EED: variants seen among roughly 807,000 people sequenced by gnomAD.
EED encodes polycomb protein EED.
A neutral mutation model predicts 61.0 loss-of-function variants in EED; 9 were observed. The observed-to-expected ratio is 0.15, with a 90% CI of 0.09 to 0.26. The LOEUF (loss-of-function observed/expected upper bound fraction) is 0.26, where lower values mean the gene tolerates loss of function less well. EED is among the 10% of genes least tolerant of loss of function. The probability of loss-of-function intolerance (pLI) is 1.00; values close to 1 mark genes in which losing one functional copy is unlikely to be tolerated. For missense variants in EED, 315 were observed against 542.3 expected (o/e 0.58, Z 4.16); for synonymous variants, 187 against 174.4 (o/e 1.07, Z -0.57).
chr11:86,285,938 C>T, the EED span, among the ~76,000 whole-genome samples: 1 of 151,968 alleles, frequency 6.6e-6, no homozygotes, highest in East Asian at 1.9e-4. Context: ...GCCTTTACCT[C>T]TTATGTGAAA....
chr11:86,272,514 T>C (rs1946141670), intron 9 of EED, among the ~76,000 whole-genome samples: 1 of 152,200 alleles, frequency 6.6e-6, no homozygotes, highest in Non-Finnish European at 1.5e-5. Context: ...TGTATAAGTG[T>C]TTAATTGGTT....
intron 1 of EED, among the ~76,000 whole-genome samples, chr11:86,248,278 G>A (rs1488121010): frequency 3.9e-5 from 6 of 152,180 alleles, no homozygotes; most frequent in African/African-American, 1.4e-4. Flanking sequence ...ATTTTCATTT[G>A]ATTCCATCTT....
At chr11:86,257,218 T>TATGA (rs60349201) in intron 5 of EED, among the ~76,000 whole-genome samples, 3 of 149,414 alleles carry the variant, frequency 2.0e-5, no homozygotes, top group Non-Finnish European at 4.5e-5. Context: ...TGTGTGTGTG[T>TATGA]ATGAAGATAG....
intron 1 of EED, among the ~76,000 whole-genome samples, chr11:86,247,479 G>A (rs748758626): frequency 6.6e-6 from 1 of 152,146 alleles, no homozygotes; most frequent in Non-Finnish European, 1.5e-5. Flanking sequence ...GTAGTGATGG[G>A]TATAAACACT....
At chr11:86,286,509 A>G in the EED span, among the ~76,000 whole-genome samples, 2 of 152,268 alleles carry the variant, frequency 1.3e-5, no homozygotes, top group Non-Finnish European at 2.9e-5. Context: ...TGAGAAAGGC[A>G]AAAGTCTAAA....
At chr11:86,255,143 A>G in intron 3 of EED, 79 bp from the exon 4 acceptor site, 1 of 1,157,122 alleles carries the variant, frequency 8.6e-7, no homozygotes, top group South Asian at 1.4e-5. Flanking sequence ...TAGGATTGCG[A>G]TTAAAATATG....
rs768818494 is a variant in EED, at chr11:86,268,575, A to C, written c.966+14A>C. ...ATACTTTCTAAGGTATGGTAACTGC[A>C]GTTAAGCTGTACTTCCATCGTGTGT... On this transcript the variant is annotated intron_variant, in intron 9 of 11. Transcript: ENST00000263360. 6 of 1,524,468 alleles carry C rather than the reference A, an allele frequency of 3.9e-6. No homozygotes were observed. The highest frequency in any genetic ancestry group is 1.7e-5 in the Admixed American group (1 of 58,052). The allele number at this position is 1,524,468 out of a possible 1,614,324, so 94.4% of individuals were successfully genotyped here.
At chr11:86,280,591 TAGA>T (rs1371943171), downstream of EED, among the ~76,000 whole-genome samples, 1 of 152,214 alleles carries the variant, frequency 6.6e-6, no homozygotes, top group African/African-American at 2.4e-5. Flanking sequence ...TCAAGGGTCT[TAGA>T]AGTTGTATCA....
In EED at chr11:86,264,270, T is replaced by G; in HGVS notation, c.726+7T>G. On this transcript the variant is annotated splice_region_variant and intron_variant, in intron 7 of 11. Coordinates refer to ENST00000263360, the MANE Select transcript of EED (RefSeq NM_003797.5). ...AGATGAAGTTCTAAGTGCTGTAAGT[T>G]GGAAACTGCAGGGCAATGACTTTCA... is the stretch of plus-strand genomic sequence containing the variant. 1 of 1,608,034 alleles carries G rather than the reference T, an allele frequency of 6.2e-7. No individual in the cohort carries two copies. The highest frequency in any genetic ancestry group is 8.5e-7 in the Non-Finnish European group (1 of 1,174,526).
intron 1 of EED, among the ~76,000 whole-genome samples, chr11:86,250,015 A>G (rs1945490260): frequency 6.6e-6 from 1 of 152,238 alleles, no homozygotes; most frequent in Non-Finnish European, 1.5e-5. Flanking sequence ...AGTGTATTAA[A>G]GTGACTGGAA....
In EED at chr11:86,268,532, C is replaced by A; in HGVS notation, c.937C>A (p.Arg313=). The change falls in exon 9 of 12, where the codon CGA becomes AGA. Residue 313 remains arginine (R), a synonymous_variant. Coordinates refer to ENST00000263360, the MANE Select transcript of EED (RefSeq NM_003797.5). ...ACATAGGAATTATGTTGATTGTGTG[C>A]GATGGTTAGGCGATTTGATACTTTC... The part of the protein sequence containing the change: ...DIHRNYVDCV[R]WLGDLILSKS... 6.2e-7 allele frequency: 1 copy of A among 1,609,238 alleles called. No homozygotes were observed. Among genetic ancestry groups the A allele is most frequent in the Non-Finnish European group, 8.5e-7 (1 of 1,178,366 alleles).
chr11:86,285,044 G>C, the EED span, among the ~76,000 whole-genome samples: 1 of 152,220 alleles, frequency 6.6e-6, no homozygotes, highest in Non-Finnish European at 1.5e-5. Context: ...CCGTGAGGCA[G>C]AGGTTGCGGT....
intron 3 of EED, among the ~76,000 whole-genome samples, chr11:86,254,694 C>T (rs926052742): frequency 7.2e-5 from 11 of 152,016 alleles, no homozygotes; most frequent in Non-Finnish European, 1.0e-4. Flanking sequence ...GCAATCTCGG[C>T]TCACTGCAAC....
chr11:86,268,274 C>A, intron 8 of EED, 182 bp from the exon 9 acceptor site: 5 of 452,776 alleles, frequency 1.1e-5, no homozygotes, highest in South Asian at 4.2e-5. Flanking sequence ...GAAAAATAAA[C>A]AAAAGTGGAA....
chr11:86,268,275 A>G, intron 8 of EED, 181 bp from the exon 9 acceptor site: 1 of 465,532 alleles, frequency 2.1e-6, no homozygotes, highest in East Asian at 3.5e-5. Flanking sequence ...AAAAATAAAC[A>G]AAAGTGGAAT....
intron 6 of EED, among the ~76,000 whole-genome samples, chr11:86,262,498 G>A (rs1247442921): frequency 6.6e-6 from 1 of 152,080 alleles, no homozygotes; most frequent in Non-Finnish European, 1.5e-5. Context: ...TCTCATTCTT[G>A]TCACCCAGGC....
At chr11:86,286,806 A>C in the EED span, among the ~76,000 whole-genome samples, 1 of 151,960 alleles carries the variant, frequency 6.6e-6, no homozygotes, top group Non-Finnish European at 1.5e-5. Context: ...CCCCGTCTCT[A>C]CTAAAAATAC....
In EED at chr11:86,245,261, C is replaced by G; in HGVS notation, c.32C>G (p.Ala11Gly). The G allele has an allele frequency of 6.2e-7, 1 of 1,613,326 alleles. No homozygotes were observed. The part of the protein sequence containing the change: MSEREVSTAP[A>G]GTDMPAAKKQ... ...GAGAGGGAAGTGTCGACTGCGCCGG[C>G]GGGAACAGACATGCCTGCGGCCAAG... is the stretch of plus-strand genomic sequence containing the variant. The change falls in exon 1 of 12, where the codon GCG becomes GGG. Residue 11 changes from alanine (A) to glycine (G), a missense_variant. Around this residue, in one of 2 missense-constraint regions of EED, gnomAD observed 110 missense variants for 86.9 expected, o/e 1.27. Transcript: ENST00000263360.
intron 4 of EED, among the ~76,000 whole-genome samples, chr11:86,255,970 A>C (rs1945660430): frequency 6.6e-6 from 1 of 152,204 alleles, no homozygotes; most frequent in Non-Finnish European, 1.5e-5. Context: ...CTCACAAAGA[A>C]AAAAGTGGAA....
Sources: gnomAD v4.1 joint callset for allele counts (sites outside exome capture counted in the v4.1 genomes callset) on GRCh38, gnomAD v4.1.1 for gene constraint, gnomAD v4.1.1 regional missense constraint, MANE v1.5 for transcripts, NCBI Gene and HGNC (gene_info 2026-07-23, HGNC 2026-07-21) for gene names.